The following RBFOX1 variants were observed in gnomAD, a reference collection of about 807,000 sequenced individuals.
RBFOX1 encodes RNA binding protein fox-1 homolog 1.
Under a neutral mutation model 57.7 loss-of-function variants are expected in RBFOX1, and 8 were observed. The observed-to-expected ratio is 0.14, with a 90% CI of 0.08 to 0.25. RBFOX1 has a LOEUF of 0.25. Among genes scored for constraint, RBFOX1 ranks in the 10% least tolerant of loss-of-function variants. The pLI is 1.00. For synonymous variants in RBFOX1, 326 were observed against 222.4 expected (o/e 1.47, Z -4.15); for missense variants, 611 against 548.5 (o/e 1.11, Z -1.14).
At chr16:7,000,813 A>G (rs1213629056) in intron 3 of RBFOX1, among the ~76,000 whole-genome samples, 3 of 152,006 alleles carry the variant, frequency 2.0e-5, no homozygotes, top group Non-Finnish European at 2.9e-5. Flanking sequence ...TGTGTTAGCC[A>G]GGATGCTCTC....
intron 13 of RBFOX1, among the ~76,000 whole-genome samples, chr16:7,668,352 A>T (rs2070135690): frequency 6.6e-6 from 1 of 152,172 alleles, no homozygotes; most frequent in Non-Finnish European, 1.5e-5. Context: ...AGGAAAGAGG[A>T]TTGAACAGAG....
chr16:7,679,017 G>A (rs2074086710), intron 14 of RBFOX1, among the ~76,000 whole-genome samples: 1 of 152,112 alleles, frequency 6.6e-6, no homozygotes, highest in African/African-American at 2.4e-5. Context: ...TGGTTGCTGT[G>A]GAAATTGATA....
intron 3 of RBFOX1, among the ~76,000 whole-genome samples, chr16:5,740,737 T>C (rs2052743094): frequency 6.6e-6 from 1 of 152,206 alleles, no homozygotes; most frequent in African/African-American, 2.4e-5. Context: ...GCAAAAGGGC[T>C]GTGGGTACTC....
intron 3 of RBFOX1, among the ~76,000 whole-genome samples, chr16:7,003,421 C>G (rs1258224649): frequency 6.6e-6 from 1 of 150,414 alleles, no homozygotes; most frequent in Non-Finnish European, 1.5e-5. Flanking sequence ...GATTGCGCCA[C>G]TGTACTGCAG....
intron 3 of RBFOX1, among the ~76,000 whole-genome samples, chr16:6,937,861 C>A (rs995488522): frequency 1.3e-5 from 2 of 151,228 alleles, no homozygotes; most frequent in African/African-American, 2.4e-5. Context: ...TGCTGGCTGG[C>A]TTTTCCTGAA....
chr16:5,999,500 A>G (rs1057432482), intron 4 of RBFOX1, among the ~76,000 whole-genome samples: 2 of 152,178 alleles, frequency 1.3e-5, no homozygotes, highest in Non-Finnish European at 2.9e-5. Context: ...CAAAACTTAC[A>G]TGCTAAGGCT....
chr16:7,519,089 G>C (rs2076993416), intron 5 of RBFOX1, among the ~76,000 whole-genome samples: 1 of 152,156 alleles, frequency 6.6e-6, no homozygotes, highest in Non-Finnish European at 1.5e-5. Flanking sequence ...TATATTTTTA[G>C]GTGTACAGTT....
At chr16:5,287,627 G>A (rs1305791085) in intron 1 of RBFOX1, among the ~76,000 whole-genome samples, 1 of 152,124 alleles carries the variant, frequency 6.6e-6, no homozygotes, top group Non-Finnish European at 1.5e-5. Context: ...AGCATGTCTG[G>A]GAAGCTCTAC....
chr16:5,860,596 G>A (rs2057188494), intron 3 of RBFOX1, among the ~76,000 whole-genome samples: 1 of 152,196 alleles, frequency 6.6e-6, no homozygotes, highest in South Asian at 2.1e-4. Flanking sequence ...AAAGTTGCCT[G>A]CAGAGATAAG....
chr16:5,678,476 G>T (rs1035623020), intron 3 of RBFOX1, among the ~76,000 whole-genome samples: 1 of 152,202 alleles, frequency 6.6e-6, no homozygotes, highest in Non-Finnish European at 1.5e-5. Context: ...GGGCATATGT[G>T]CAAGCGGGTA....
At chr16:7,635,505 C>T (rs964739420) in intron 11 of RBFOX1, among the ~76,000 whole-genome samples, 6 of 151,906 alleles carry the variant, frequency 3.9e-5, no homozygotes, top group South Asian at 4.2e-4. Flanking sequence ...AGTGTGTGGA[C>T]GCCCAGTATC....
At chr16:5,331,795 A>C (rs548839891) in intron 1 of RBFOX1, among the ~76,000 whole-genome samples, 1 of 152,360 alleles carries the variant, frequency 6.6e-6, no homozygotes, top group African/African-American at 2.4e-5. Context: ...TCACTGATGA[A>C]AGAGCTACCT....
At chr16:7,264,353 C>G (rs570962505) in intron 4 of RBFOX1, among the ~76,000 whole-genome samples, 31 of 152,336 alleles carry the variant, frequency 2.0e-4, no homozygotes, top group African/African-American at 7.0e-4. Flanking sequence ...CCTCCAAGAT[C>G]TTATGAGAAA....
At chr16:6,566,288 A>G (rs1034586216) in intron 2 of RBFOX1, among the ~76,000 whole-genome samples, 4 of 152,140 alleles carry the variant, frequency 2.6e-5, no homozygotes, top group Non-Finnish European at 5.9e-5. Flanking sequence ...ATCATGGCGA[A>G]CAGCTATGCC....
intron 4 of RBFOX1, among the ~76,000 whole-genome samples, chr16:7,348,391 TAATG>T (rs2097059457): frequency 6.6e-6 from 1 of 151,202 alleles, no homozygotes; most frequent in African/African-American, 2.5e-5. Flanking sequence ...GAAATAAAAT[TAATG>T]AATTTTTTTT....
chr16:7,710,406 A>G (rs1406581566), intron 15 of RBFOX1: 3 of 1,390,750 alleles, frequency 2.2e-6, no homozygotes, highest in Non-Finnish European at 1.8e-6. Context: ...ACTGGCTGAC[A>G]GAATTTGGTT....
At chr16:5,709,255 C>T (rs1366643705) in intron 3 of RBFOX1, among the ~76,000 whole-genome samples, 1 of 152,116 alleles carries the variant, frequency 6.6e-6, no homozygotes, top group Non-Finnish European at 1.5e-5. Context: ...CACAGGATGC[C>T]AGGCAGCAAA....
At chr16:6,964,492 A>T (rs78507277) in intron 3 of RBFOX1, among the ~76,000 whole-genome samples, 10 of 152,226 alleles carry the variant, frequency 6.6e-5, no homozygotes, top group African/African-American at 2.2e-4. Flanking sequence ...TATCAACTGT[A>T]ACAAATTGCA....
chr16:5,374,880 C>G (rs1218970102), intron 1 of RBFOX1, among the ~76,000 whole-genome samples: 1 of 151,810 alleles, frequency 6.6e-6, no homozygotes, highest in South Asian at 2.1e-4. Context: ...ATGTAAGTAC[C>G]TGTATAATAT....
Sources: gnomAD v4.1 joint callset for allele counts (sites outside exome capture counted in the v4.1 genomes callset) on GRCh38, gnomAD v4.1.1 for gene constraint, MANE v1.5 for transcripts, NCBI Gene and HGNC (gene_info 2026-07-23, HGNC 2026-07-21) for gene names.